The following ROBO1 variants were observed in gnomAD, a reference collection of about 807,000 sequenced individuals.
ROBO1 encodes the protein roundabout guidance receptor 1, also known as roundabout homolog 1.
Under a neutral mutation model 195.9 loss-of-function variants are expected in ROBO1, and 149 were observed. That is an observed-to-expected ratio of 0.76 (90% CI 0.67 to 0.87). The LOEUF is 0.87. ROBO1 is among the 40% of genes least tolerant of loss of function. The pLI is 0.00. For missense variants in ROBO1, 1,933 were observed against 2,068.3 expected, an observed-to-expected ratio of 0.93 and a Z score of 1.27; for synonymous variants, 816 against 733.2, an observed-to-expected ratio of 1.11 and a Z score of -1.82.
chr3:78,787,490 C>T (rs2083871780), intron 4 of ROBO1, among the ~76,000 whole-genome samples: 1 of 152,132 alleles, frequency 6.6e-6, no homozygotes, highest in Non-Finnish European at 1.5e-5. Flanking sequence ...ATCCAGGGTA[C>T]ATAATAACCA....
chr3:78,642,071 A>C (rs1419338678), intron 21 of ROBO1, among the ~76,000 whole-genome samples: 1 of 152,048 alleles, frequency 6.6e-6, no homozygotes, highest in Admixed American at 6.6e-5. Context: ...TTTTTTAAAC[A>C]ATTTCCCAGG....
intron 4 of ROBO1, among the ~76,000 whole-genome samples, chr3:78,785,134 G>C (rs899203845): frequency 1.3e-5 from 2 of 152,146 alleles, no homozygotes; most frequent in Admixed American, 1.3e-4. Context: ...GAGTGCTTTT[G>C]CATCAACTGC....
At chr3:79,731,353 G>C (rs547924716) in intron 1 of ROBO1, among the ~76,000 whole-genome samples, 1 of 152,122 alleles carries the variant, frequency 6.6e-6, no homozygotes, top group Non-Finnish European at 1.5e-5. Flanking sequence ...CATCTGTAAA[G>C]CATGTAAAGT....
At chr3:78,862,462 A>T (rs2107016724) in intron 4 of ROBO1, among the ~76,000 whole-genome samples, 1 of 152,200 alleles carries the variant, frequency 6.6e-6, no homozygotes, top group African/African-American at 2.4e-5. Flanking sequence ...TAAGCAAAAC[A>T]CCCAGCTGAA....
At chr3:78,643,660 GA>G in intron 21 of ROBO1, among the ~76,000 whole-genome samples, 1 of 152,188 alleles carries the variant, frequency 6.6e-6, no homozygotes, top group African/African-American at 2.4e-5. Context: ...GCCGAGTTTG[GA>G]TCTGATATTC....
chr3:79,174,126 C>T (rs2081221200), intron 2 of ROBO1, among the ~76,000 whole-genome samples: 1 of 152,030 alleles, frequency 6.6e-6, no homozygotes, highest in Non-Finnish European at 1.5e-5. Flanking sequence ...GCAACCTGCT[C>T]AGGTCCCCTT....
chr3:79,592,967 T>C (rs1314302813), intron 1 of ROBO1, among the ~76,000 whole-genome samples: 1 of 152,064 alleles, frequency 6.6e-6, no homozygotes, highest in African/African-American at 2.4e-5. Context: ...TTTCTTGGAA[T>C]GTCATATAGG....
rs527264305 is a variant in ROBO1 at position 79,579,336 on chromosome 3, T to C, written c.88+10488A>G. Among the ~76,000 whole-genome samples, 6 of 152,142 alleles carry C rather than the reference T, an allele frequency of 3.9e-5. No homozygotes were observed. The South Asian group carries it at 1.0e-3, about 26-fold the overall frequency. The stretch of plus-strand genomic sequence containing the variant: ...ATTTGACATTTGTGAAGGAAATATT[T>C]ATTGTTCAAGGGATGGTCACAGACT... On this transcript the variant is annotated intron_variant, in intron 2 of 30. Coordinates refer to ENST00000464233, the MANE Select transcript of ROBO1 (RefSeq NM_002941.4).
chr3:79,652,769 C>A (rs1560071941), intron 1 of ROBO1, among the ~76,000 whole-genome samples: 1 of 151,804 alleles, frequency 6.6e-6, no homozygotes, highest in African/African-American at 2.4e-5. Flanking sequence ...AAAATAAATA[C>A]AAAAAAATTG....
At chr3:79,199,417 AACTG>A (rs758743918) in intron 2 of ROBO1, among the ~76,000 whole-genome samples, 2 of 151,782 alleles carry the variant, frequency 1.3e-5, no homozygotes, top group African/African-American at 2.4e-5. Context: ...TGTTTGGGAG[AACTG>A]ACTATCACTC....
intron 2 of ROBO1, among the ~76,000 whole-genome samples, chr3:79,511,155 AAC>A (rs1428405139): frequency 6.6e-6 from 1 of 152,166 alleles, no homozygotes; most frequent in African/African-American, 2.4e-5. Context: ...TAATCAAGAA[AAC>A]ACACAGCAGT....
chr3:79,657,165 C>T (rs186755665), intron 1 of ROBO1, among the ~76,000 whole-genome samples: 167 of 152,106 alleles, frequency 1.1e-3, no homozygotes, highest in Non-Finnish European at 2.0e-3. Context: ...CATAGGAGTA[C>T]CCAATGGGCA....
chr3:79,344,370 C>A (rs2130377), intron 2 of ROBO1, among the ~76,000 whole-genome samples: 17,436 of 152,082 alleles, frequency 0.11, 1,134 homozygotes, highest in Middle Eastern at 0.16. Flanking sequence ...ACAGTCCTAT[C>A]GTGCAAAAGA....
At chr3:78,713,962 T>A (rs2081833003) in intron 8 of ROBO1, among the ~76,000 whole-genome samples, 1 of 152,200 alleles carries the variant, frequency 6.6e-6, no homozygotes, top group Non-Finnish European at 1.5e-5. Context: ...TCTTTTTCTG[T>A]TACAAATTGT....
intron 2 of ROBO1, among the ~76,000 whole-genome samples, chr3:79,537,735 G>T (rs1575988551): frequency 1.3e-5 from 2 of 151,940 alleles, no homozygotes; most frequent in Non-Finnish European, 2.9e-5. Context: ...GGTCCTGTTG[G>T]GGGAGTGGGG....
chr3:79,188,042 A>G (rs2081472369), intron 2 of ROBO1, among the ~76,000 whole-genome samples: 1 of 151,992 alleles, frequency 6.6e-6, no homozygotes, highest in East Asian at 1.9e-4. Flanking sequence ...TTATCTTCCT[A>G]TTTTTATACT....
chr3:79,274,996 T>C (rs1248733854), intron 2 of ROBO1, among the ~76,000 whole-genome samples: 1 of 151,860 alleles, frequency 6.6e-6, no homozygotes, highest in Non-Finnish European at 1.5e-5. Context: ...TAATAAGCAC[T>C]CTCTCAGCAG....
chr3:78,779,678 C>A (rs2083614218), intron 4 of ROBO1, among the ~76,000 whole-genome samples: 1 of 152,096 alleles, frequency 6.6e-6, no homozygotes, highest in Non-Finnish European at 1.5e-5. Flanking sequence ...ATTAGTTCAA[C>A]CATTGTGGAA....
intron 1 of ROBO1, among the ~76,000 whole-genome samples, chr3:79,765,209 T>C (rs1403807258): frequency 6.6e-6 from 1 of 152,182 alleles, no homozygotes; most frequent in African/African-American, 2.4e-5. Flanking sequence ...AGCAGGAAGA[T>C]ATGTGCGAAA....
Sources: gnomAD v4.1 joint callset for allele counts (sites outside exome capture counted in the v4.1 genomes callset) on GRCh38, gnomAD v4.1.1 for gene constraint, MANE v1.5 for transcripts, NCBI Gene and HGNC (gene_info 2026-07-23, HGNC 2026-07-21) for gene names.